RALGAPA1: variants seen among roughly 807,000 people sequenced by gnomAD.
RALGAPA1 encodes Ral GTPase activating protein catalytic subunit alpha 1.
RALGAPA1 carries 52 observed loss-of-function variants against 269.6 expected under a neutral mutation model. The observed-to-expected ratio is 0.19, with a 90% CI of 0.15 to 0.24. The LOEUF (loss-of-function observed/expected upper bound fraction) is 0.24, where lower values mean the gene tolerates loss of function less well. RALGAPA1 is among the 10% of genes least tolerant of loss of function. The pLI, the probability that RALGAPA1 is intolerant of heterozygous loss-of-function variation, is 1.00. For missense variants in RALGAPA1, 1,917 were observed against 3,013.9 expected (o/e 0.64, Z 8.52); for synonymous variants, 817 against 1,008.3 (o/e 0.81, Z 3.60).
chr14:35,600,286 A>G (rs1487353151), intron 36 of RALGAPA1, among the ~76,000 whole-genome samples: 1 of 133,758 alleles, frequency 7.5e-6, no homozygotes, highest in Non-Finnish European at 1.5e-5. Context: ...GCTGGAGAGC[A>G]GTGACATGAT....
At chr14:35,549,266 T>C (rs1451908370) in intron 39 of RALGAPA1, 32 bp from the exon 40 acceptor site, 1 of 1,606,978 alleles carries the variant, frequency 6.2e-7, no homozygotes. Context: ...TAAACTTAAG[T>C]GCAGCTTATA....
Position 35,721,814 on chromosome 14 carries a change from T to C in RALGAPA1, c.2140A>G (p.Lys714Glu). 1.2e-6 allele frequency: 2 copies of C among 1,613,664 alleles called. No individual in the cohort carries two copies. Among genetic ancestry groups the C allele is most frequent in the Non-Finnish European group, 1.7e-6 (2 of 1,179,624 alleles). The change falls in exon 16 of 42, where the codon AAG becomes GAG. Residue 714 changes from lysine (K) to glutamate (E), a missense_variant. Physicochemically the swap from Lys to Glu is moderately conservative, Grantham distance 56. Transcript: ENST00000680220. ...GHEFQKVSVD[K>E]SFSRGWSRDQ... ...CGACTCCATCCTCTAGAAAATGACT[T>C]GTCAACTGAAACTTTCTGAAATTCA... is the stretch of plus-strand genomic sequence containing the variant.
At chr14:35,550,668 T>C (rs2054913875) in intron 39 of RALGAPA1, among the ~76,000 whole-genome samples, 1 of 152,178 alleles carries the variant, frequency 6.6e-6, no homozygotes, top group Non-Finnish European at 1.5e-5. Flanking sequence ...ACTTTGATTG[T>C]GGTAACTTTT....
chr14:35,630,580 C>A (rs150392835), intron 33 of RALGAPA1, among the ~76,000 whole-genome samples: 65 of 152,276 alleles, frequency 4.3e-4, no homozygotes, highest in African/African-American at 1.4e-3. Context: ...CTGCACCCAC[C>A]CAACATTTCT....
intron 33 of RALGAPA1, among the ~76,000 whole-genome samples, chr14:35,632,370 C>A (rs1394135555): frequency 6.6e-6 from 1 of 152,106 alleles, no homozygotes; most frequent in Non-Finnish European, 1.5e-5. Flanking sequence ...TTAAATAACT[C>A]TATTCAGGGT....
chr14:35,801,244 G>GACACACACACACAC (rs201700521), intron 1 of RALGAPA1, among the ~76,000 whole-genome samples: 44 of 135,108 alleles, frequency 3.3e-4, no homozygotes, highest in African/African-American at 1.1e-3. Context: ...TATATACACA[G>GACACACACACACAC]ACACACACAC....
At position 35,671,379 on chromosome 14, in the gene RALGAPA1, A is replaced by T; in HGVS notation, c.5202+10T>A. The T allele has an allele frequency of 6.2e-7, 1 of 1,603,680 alleles. No individual in the cohort carries two copies. The highest frequency in any genetic ancestry group is 1.1e-5 in the South Asian group (1 of 89,624). ...GTTTGTTATATGATAAGGAACAGGA[A>T]ATGACTTACATTGAGAAAAGCTGAA... On this transcript the variant is annotated intron_variant, in intron 26 of 41. Transcript: ENST00000680220.
chr14:35,641,435 A>G (rs2062024345), intron 31 of RALGAPA1, among the ~76,000 whole-genome samples: 1 of 152,222 alleles, frequency 6.6e-6, no homozygotes, highest in Admixed American at 6.5e-5. Context: ...AAAAATTAGT[A>G]GCATTTCTAT....
At chr14:35,690,105 G>A in intron 17 of RALGAPA1, 102 bp from the exon 18 acceptor site, 1 of 872,842 alleles carries the variant, frequency 1.1e-6, no homozygotes, top group Non-Finnish European at 1.7e-6. Context: ...AAAAAAATCT[G>A]AGTTTTTGTA....
chr14:35,748,718 A>G lies in RALGAPA1; in HGVS notation c.1118T>C (p.Leu373Pro). 2 of 1,613,254 alleles carry G rather than the reference A, an allele frequency of 1.2e-6. No homozygotes were observed. The highest frequency in any genetic ancestry group is 1.7e-6 in the Non-Finnish European group (2 of 1,179,750). Reference sequence around the variant, plus strand: ...AGATGAGCTAGGTTCTCGCTCCGTGAGAGTGCTTGTATTGGAATGAGACTG... The same window carrying G: ...AGATGAGCTAGGTTCTCGCTCCGTGGGAGTGCTTGTATTGGAATGAGACTG... The part of the protein sequence containing the change: ...PEQSHSNTST[L>P]TEREPSSSSL... The change falls in exon 10 of 42, where the codon CTC (leucine) becomes CCC (proline). Residue 373 changes from leucine to proline, a missense_variant. This residue lies in a region of RALGAPA1 where 462 missense variants were observed against 725.6 expected (regional missense o/e 0.64). Transcript: ENST00000680220.
At position 35,747,754 on chromosome 14, in the gene RALGAPA1, A is replaced by G. The variant is rs558294240; in HGVS notation, c.1251+831T>C. Reference sequence around the variant, plus strand: ...GCAAAACTCAATGTTGTTTACCTGTAAAAGTTAAGTGCCTTTGCCATCAAG... The same window carrying G: ...GCAAAACTCAATGTTGTTTACCTGTGAAAGTTAAGTGCCTTTGCCATCAAG... On this transcript the variant is annotated intron_variant, in intron 10 of 41. Transcript: ENST00000680220. 2.0e-5 allele frequency among the ~76,000 whole-genome samples: 3 copies of G among 152,330 alleles called. No individual in the cohort carries two copies. In the South Asian group the frequency reaches 6.2e-4, roughly 32 times the overall value.
In RALGAPA1 at chr14:35,717,855, G is replaced by A. The variant is rs552013718; in HGVS notation, c.2266+3833C>T. 1.8e-4 allele frequency among the ~76,000 whole-genome samples: 28 copies of A among 152,130 alleles called. No individual in the cohort carries two copies. In the South Asian group the frequency reaches 5.4e-3, roughly 29 times the overall value. ...TTACAGGTGTGAGCCACTGTGCCTG[G>A]CCAACATTTTTTTGATATATAATAA... On this transcript the variant is annotated intron_variant, in intron 16 of 41. Coordinates refer to ENST00000680220, the MANE Select transcript of RALGAPA1 (RefSeq NM_001346249.2).
intron 32 of RALGAPA1, 74 bp downstream of exon 32, chr14:35,635,390 T>C: frequency 4.3e-6 from 6 of 1,407,468 alleles, no homozygotes; most frequent in Non-Finnish European, 4.7e-6. Context: ...AAAAATGTTA[T>C]ACTGAGAAAT....
At chr14:35,729,954 C>G (rs997411114) in intron 12 of RALGAPA1, among the ~76,000 whole-genome samples, 4 of 151,676 alleles carry the variant, frequency 2.6e-5, no homozygotes, top group Non-Finnish European at 4.4e-5. Context: ...AATTTTACCT[C>G]CAGAACAACT....
intron 7 of RALGAPA1, among the ~76,000 whole-genome samples, chr14:35,755,273 G>C (rs1262205976): frequency 6.6e-6 from 1 of 151,966 alleles, no homozygotes; most frequent in Non-Finnish European, 1.5e-5. Context: ...GGATCACTTG[G>C]GCCCAGGAGG....
At chr14:35,629,126 T>C (rs1370106817) in intron 33 of RALGAPA1, among the ~76,000 whole-genome samples, 1 of 152,156 alleles carries the variant, frequency 6.6e-6, no homozygotes, top group African/African-American at 2.4e-5. Flanking sequence ...ACTGTGATTC[T>C]GAGGGGTGTT....
intron 35 of RALGAPA1, among the ~76,000 whole-genome samples, chr14:35,623,217 T>C (rs1158506518): frequency 6.7e-6 from 1 of 149,774 alleles, no homozygotes; most frequent in Admixed American, 6.6e-5. Flanking sequence ...AAATGATACA[T>C]AAAACGAAAA....
Position 35,623,833 on chromosome 14 carries a change from A to G in RALGAPA1, c.6929+1528T>C, listed in dbSNP as rs540302134. On this transcript the variant is annotated intron_variant, in intron 35 of 41. Transcript: ENST00000680220. ...GGTGGCTCACGCCTGTAATCCCAGCACTTTGGGAGGCCAAGGCGGGTGGAT... is the reference window on the plus strand; with the variant it reads ...GGTGGCTCACGCCTGTAATCCCAGCGCTTTGGGAGGCCAAGGCGGGTGGAT... Among the ~76,000 whole-genome samples the G allele has an allele frequency of 1.2e-4, 19 of 152,328 alleles. No individual in the cohort carries two copies. In the East Asian group the frequency reaches 3.7e-3, roughly 29 times the overall value.
intron 14 of RALGAPA1, among the ~76,000 whole-genome samples, chr14:35,724,297 T>C (rs1275197082): frequency 6.6e-6 from 1 of 152,140 alleles, no homozygotes; most frequent in Non-Finnish European, 1.5e-5. Context: ...GGTAAATGGC[T>C]AATATATGAA....
Sources: allele counts gnomAD v4.1 joint callset (sites outside exome capture counted in the v4.1 genomes callset), GRCh38; gene constraint gnomAD v4.1.1; regional missense constraint gnomAD v4.1.1; transcripts MANE v1.5; gene names NCBI Gene and HGNC (gene_info 2026-07-23, HGNC 2026-07-21).